C12orf54: variants seen among roughly 807,000 people sequenced by gnomAD.
C12orf54 encodes chromosome 12 open reading frame 54.
C12orf54 carries 24 observed loss-of-function variants against 26.4 expected under a neutral mutation model. The ratio of observed to expected loss-of-function variants is 0.91; its 90% CI spans 0.66 to 1.28. The LOEUF (loss-of-function observed/expected upper bound fraction) is 1.28, where lower values mean the gene tolerates loss of function less well. C12orf54 is among the 50% of genes most tolerant of loss of function. The probability of loss-of-function intolerance (pLI) is 0.00; values close to 1 mark genes in which losing one functional copy is unlikely to be tolerated. For synonymous variants in C12orf54, 54 were observed against 47.0 expected (o/e 1.15, Z -0.61); for missense variants, 154 against 150.9 (o/e 1.02, Z -0.11).
chr12:48,438,333 A>G, the C12orf54 span, among the ~76,000 whole-genome samples: 3 of 152,176 alleles, frequency 2.0e-5, no homozygotes, highest in South Asian at 2.1e-4. Flanking sequence ...ACGGCCCAAG[A>G]TAATTTATAG....
chr12:48,434,118 C>T, the C12orf54 span, among the ~76,000 whole-genome samples: 1 of 152,192 alleles, frequency 6.6e-6, no homozygotes, highest in African/African-American at 2.4e-5. Flanking sequence ...AGATTATATC[C>T]CACACATGAC....
the C12orf54 span, among the ~76,000 whole-genome samples, chr12:48,436,977 T>G: frequency 6.6e-6 from 1 of 151,810 alleles, no homozygotes; most frequent in Non-Finnish European, 1.5e-5. Flanking sequence ...GCTTGTTTTT[T>G]GAAAAGATCA....
the C12orf54 span, among the ~76,000 whole-genome samples, chr12:48,471,014 A>G: frequency 6.6e-6 from 1 of 152,090 alleles, no homozygotes; most frequent in African/African-American, 2.4e-5. Flanking sequence ...CAATTAAGTT[A>G]TTTTTATTAT....
the C12orf54 span, among the ~76,000 whole-genome samples, chr12:48,434,439 G>T: frequency 6.6e-6 from 1 of 152,200 alleles, no homozygotes. Flanking sequence ...TGCATCTTGA[G>T]ATCTGAGAAT....
chr12:48,426,262 TGTA>T, the C12orf54 span, among the ~76,000 whole-genome samples: 275 of 152,230 alleles, frequency 1.8e-3, no homozygotes, highest in African/African-American at 6.1e-3. Context: ...GTTTTTTGTT[TGTA>T]GTATAAGAAA....
chr12:48,459,981 G>A, the C12orf54 span, among the ~76,000 whole-genome samples: 1 of 145,598 alleles, frequency 6.9e-6, no homozygotes. Flanking sequence ...ATTAAAAAGA[G>A]GCATTCACCA....
upstream of C12orf54, among the ~76,000 whole-genome samples, chr12:48,479,500 C>T (rs1421686578): frequency 6.6e-6 from 1 of 151,772 alleles, no homozygotes; most frequent in East Asian, 1.9e-4. Context: ...TACCCTAAAA[C>T]TTAAAGTATA....
chr12:48,469,712 A>G, the C12orf54 span, among the ~76,000 whole-genome samples: 1 of 152,238 alleles, frequency 6.6e-6, no homozygotes, highest in Non-Finnish European at 1.5e-5. Context: ...CAGAGATTGC[A>G]GTAAAGACAG....
the C12orf54 span, among the ~76,000 whole-genome samples, chr12:48,472,255 G>A: frequency 3.9e-5 from 6 of 152,120 alleles, no homozygotes; most frequent in South Asian, 6.2e-4. Flanking sequence ...GAGTCTTTAG[G>A]GTTTTCTGCA....
At chr12:48,458,553 C>A in the C12orf54 span, among the ~76,000 whole-genome samples, 1 of 152,162 alleles carries the variant, frequency 6.6e-6, no homozygotes, top group Admixed American at 6.5e-5. Flanking sequence ...TACAAAGTAG[C>A]TTCTCAAGGA....
chr12:48,475,228 A>G, the C12orf54 span, among the ~76,000 whole-genome samples: 1 of 152,240 alleles, frequency 6.6e-6, no homozygotes, highest in Non-Finnish European at 1.5e-5. Flanking sequence ...AAGGACATCC[A>G]TACCAAAAAC....
At chr12:48,488,647 G>A (rs1362729077) in intron 4 of C12orf54, 2 of 460,540 alleles carry the variant, frequency 4.3e-6, no homozygotes, top group Non-Finnish European at 7.7e-6. Context: ...TATAATAGTA[G>A]GTTTCATTAT....
the C12orf54 span, among the ~76,000 whole-genome samples, chr12:48,432,137 A>G: frequency 6.6e-6 from 1 of 152,246 alleles, no homozygotes; most frequent in Non-Finnish European, 1.5e-5. Flanking sequence ...CAGGAATGCA[A>G]CAATTCTTCA....
chr12:48,479,533 A>T (rs1390685550), upstream of C12orf54, among the ~76,000 whole-genome samples: 1 of 151,716 alleles, frequency 6.6e-6, no homozygotes, highest in Non-Finnish European at 1.5e-5. Context: ...TAAAATATAT[A>T]TTTAAAAAAG....
the C12orf54 span, among the ~76,000 whole-genome samples, chr12:48,454,092 G>GTTTTTTTTTTTTTTTTTTTTTT: frequency 1.3e-5 from 1 of 75,784 alleles, no homozygotes. Flanking sequence ...CTCTTTTTTT[G>GTTTTTTTTTTTTTTTTTTTTTT]TTTGTTTTTT....
At chr12:48,460,659 G>T in the C12orf54 span, among the ~76,000 whole-genome samples, 1 of 152,132 alleles carries the variant, frequency 6.6e-6, no homozygotes, top group East Asian at 1.9e-4. Context: ...CACAAAGGCT[G>T]TTGGGATAAA....
the C12orf54 span, among the ~76,000 whole-genome samples, chr12:48,447,028 T>C: frequency 6.6e-6 from 1 of 152,234 alleles, no homozygotes. Flanking sequence ...TTTAGTGATA[T>C]ATATAATTCA....
At chr12:48,437,634 A>G in the C12orf54 span, among the ~76,000 whole-genome samples, 1 of 152,258 alleles carries the variant, frequency 6.6e-6, no homozygotes, top group African/African-American at 2.4e-5. Context: ...GCATATAAAC[A>G]GAACCAAAGA....
At chr12:48,452,801 A>G in the C12orf54 span, among the ~76,000 whole-genome samples, 48 of 152,244 alleles carry the variant, frequency 3.2e-4, no homozygotes, top group Non-Finnish European at 6.2e-4. Flanking sequence ...AACCACAATG[A>G]AATACCATCT....
Sources: allele counts gnomAD v4.1 joint callset (sites outside exome capture counted in the v4.1 genomes callset), GRCh38; gene constraint gnomAD v4.1.1; transcripts MANE v1.5; gene names NCBI Gene and HGNC (gene_info 2026-07-23, HGNC 2026-07-21).